Variants in CLIC6 observed in about 807,000 individuals in gnomAD.
The protein encoded by CLIC6 is chloride intracellular channel protein 6.
A neutral mutation model predicts 49.2 loss-of-function variants in CLIC6; 39 were observed. The ratio of observed to expected loss-of-function variants is 0.79; its 90% CI spans 0.61 to 1.04. The LOEUF (loss-of-function observed/expected upper bound fraction) is 1.04, where lower values mean the gene tolerates loss of function less well. CLIC6 is among the 50% of genes least tolerant of loss of function. The pLI, the probability that CLIC6 is intolerant of heterozygous loss-of-function variation, is 0.00. For synonymous variants in CLIC6, 446 were observed against 433.4 expected (o/e 1.03, Z -0.36); for missense variants, 988 against 993.1 (o/e 0.99, Z 0.07).
Position 34,669,565 on chromosome 21 carries a change from G to A in CLIC6, c.177G>A (p.Glu59=). 1 of 1,257,886 alleles carries A rather than the reference G, an allele frequency of 7.9e-7. No individual in the cohort carries two copies. Among genetic ancestry groups the A allele is most frequent in the Non-Finnish European group, 1.0e-6 (1 of 1,004,420 alleles). The allele number at this position is 1,257,886 out of a possible 1,614,324, so 77.9% of individuals were successfully genotyped here. Residue 59 remains glutamate, a synonymous_variant, in exon 1 of 6, where the codon GAG becomes GAA. Transcript: ENST00000349499. ...CGAGGGGCGCCGCCGCTGTGAAGGA[G>A]GCAGGAGGCGGCGGGCCAGACAGGG... is the stretch of plus-strand genomic sequence containing the variant. The part of the protein sequence containing the change: ...EAPRGAAAVK[E]AGGGGPDRGP...
intron 3 of CLIC6, among the ~76,000 whole-genome samples, chr21:34,708,413 T>A (rs2056031774): frequency 6.6e-6 from 1 of 152,042 alleles, no homozygotes; most frequent in Non-Finnish European, 1.5e-5. Flanking sequence ...TTCTACTCCA[T>A]CCCCTTCGTT....
rs772665413 is a variant in CLIC6 at position 34,670,741 on chromosome 21, C to T, written c.1353C>T (p.His451=). The part of the protein sequence containing the change: ...ASEPRALGQE[H]DITLFVKAGY... ...AGCCCCGGGCCCTGGGGCAGGAGCA[C>T]GACATCACCCTCTTCGTCAAGGTAA... is the stretch of plus-strand genomic sequence containing the variant. Residue 451 remains histidine, a synonymous_variant, in exon 1 of 6, where the codon CAC becomes CAT. Coordinates refer to ENST00000349499, the MANE Select transcript of CLIC6 (RefSeq NM_053277.3). The T allele has an allele frequency of 5.6e-6, 9 of 1,600,036 alleles. No individual in the cohort carries two copies. Among genetic ancestry groups the T allele is most frequent in the Non-Finnish European group, 3.4e-6 (4 of 1,177,834 alleles).
intron 5 of CLIC6, among the ~76,000 whole-genome samples, chr21:34,714,337 C>T (rs887021461): frequency 2.6e-5 from 4 of 152,182 alleles, no homozygotes; most frequent in Non-Finnish European, 5.9e-5. Context: ...GAAAGAAGCA[C>T]AGATACATAA....
chr21:34,712,665 G>A (rs1260618559), intron 5 of CLIC6, among the ~76,000 whole-genome samples: 1 of 152,132 alleles, frequency 6.6e-6, no homozygotes, highest in Non-Finnish European at 1.5e-5. Context: ...CTAATCCAGA[G>A]GAACAGTCTG....
rs149242741 is a variant in CLIC6 at position 34,710,737 on chromosome 21, C to T, written c.1899+1199C>T. Among the ~76,000 whole-genome samples the T allele has an allele frequency of 2.5e-3, 379 of 152,152 alleles. 3 individuals are homozygous for T. Among genetic ancestry groups the T allele is most frequent in the African/African-American group, 8.7e-3 (359 of 41,492 alleles). ...CTGAGGCAGGAGAATCGCTTGAACC[C>T]GGGAGGCAGACATTGCAGTGAGCCA... is the stretch of plus-strand genomic sequence containing the variant. On this transcript the variant is annotated intron_variant, in intron 5 of 5. Coordinates refer to ENST00000349499, the MANE Select transcript of CLIC6 (RefSeq NM_053277.3).
chr21:34,670,550 G>C lies in CLIC6; in HGVS notation c.1162G>C (p.Gly388Arg), dbSNP rs1206040908. The change falls in exon 1 of 6, where the codon GGG becomes CGG. Residue 388 changes from glycine (G) to arginine (R), a missense_variant. Coordinates refer to ENST00000349499, the MANE Select transcript of CLIC6 (RefSeq NM_053277.3). ...PEGPREEEAA[G>R]GEEESPDSSP... is the part of the protein sequence containing the mutation. ...GGGGCCAAGGGAGGAGGAAGCAGCG[G>C]GGGGCGAAGAGGAATCCCCCGACAG... 1 of 1,500,144 alleles carries C rather than the reference G, an allele frequency of 6.7e-7. No individual in the cohort carries two copies. The highest frequency in any genetic ancestry group is 2.5e-5 in the East Asian group (1 of 40,208). 92.9% of individuals were successfully genotyped at this position (1,500,144 alleles called of 1,614,324 possible).
chr21:34,691,828 TA>T (rs1380696568), intron 1 of CLIC6, among the ~76,000 whole-genome samples: 1 of 152,254 alleles, frequency 6.6e-6, no homozygotes, highest in Non-Finnish European at 1.5e-5. Flanking sequence ...ACTGATGATG[TA>T]ATTGACTACA....
At chr21:34,715,622 C>A (rs1211367644) in intron 5 of CLIC6, among the ~76,000 whole-genome samples, 1 of 152,204 alleles carries the variant, frequency 6.6e-6, no homozygotes, top group Non-Finnish European at 1.5e-5. Context: ...CTGGTACAGT[C>A]CCCAGTGTTC....
At chr21:34,693,039 G>A (rs1376562877) in intron 1 of CLIC6, among the ~76,000 whole-genome samples, 1 of 152,168 alleles carries the variant, frequency 6.6e-6, no homozygotes, top group East Asian at 1.9e-4. Flanking sequence ...GTAAATTGCT[G>A]TTTTCCTAAC....
At chr21:34,689,232 C>T (rs866618330) in intron 1 of CLIC6, among the ~76,000 whole-genome samples, 16 of 152,190 alleles carry the variant, frequency 1.1e-4, no homozygotes, top group African/African-American at 3.9e-4. Context: ...CTGGGCAATG[C>T]ACCTCCCCTT....
chr21:34,706,265 C>T (rs1160453376), intron 1 of CLIC6, among the ~76,000 whole-genome samples: 2 of 152,120 alleles, frequency 1.3e-5, no homozygotes, highest in Non-Finnish European at 2.9e-5. Flanking sequence ...GGAAGTGCCA[C>T]GTACTTTTCA....
chr21:34,669,985 C>A lies in CLIC6; in HGVS notation c.597C>A (p.Ser199Arg). ...SVDAEGPAGD[S>R]VDAEGPLGDN... is the part of the protein sequence containing the mutation. The stretch of plus-strand genomic sequence containing the variant: ...ACGCGGAAGGTCCGGCGGGGGACAG[C>A]GTAGACGCGGAGGGCCCGCTGGGGG... Residue 199 changes from serine (S) to arginine (R), a missense_variant, in exon 1 of 6, where the codon AGC becomes AGA. Around this residue, in one of 3 missense-constraint regions of CLIC6, gnomAD observed 57 missense variants for 117.6 expected, o/e 0.48. Transcript: ENST00000349499. The A allele has an allele frequency of 7.3e-7, 1 of 1,373,666 alleles. No homozygotes were observed. Among genetic ancestry groups the A allele is most frequent in the Non-Finnish European group, 9.3e-7 (1 of 1,073,160 alleles). 85.1% of individuals were successfully genotyped at this position (1,373,666 alleles called of 1,614,324 possible).
rs375938375 is a variant in CLIC6 at position 34,697,820 on chromosome 21, A to G, written c.1375-9460A>G. Among the ~76,000 whole-genome samples, 8 of 152,332 alleles carry G rather than the reference A, an allele frequency of 5.3e-5. No homozygotes were observed. The East Asian group carries it at 1.3e-3, about 26-fold the overall frequency. On this transcript the variant is annotated intron_variant, in intron 1 of 5. Transcript: ENST00000349499. ...TTTGGGGATAGTTGAGGCCAGGAGA[A>G]CTGCGGGGCCTGCCAAGGCTCTCCT...
chr21:34,714,523 A>C (rs2056075126), intron 5 of CLIC6, among the ~76,000 whole-genome samples: 1 of 152,098 alleles, frequency 6.6e-6, no homozygotes, highest in Non-Finnish European at 1.5e-5. Context: ...CCCCGTCTCT[A>C]CTAAAAAGAC....
At chr21:34,708,677 C>T in intron 3 of CLIC6, 23 bp from the exon 4 acceptor site, 3 of 1,503,052 alleles carry the variant, frequency 2.0e-6, no homozygotes, top group African/African-American at 1.4e-5. Context: ...TGTCTGTGAT[C>T]CTCCAATTTT....
In CLIC6 at chr21:34,675,244, C is replaced by T. The variant is rs201566721; in HGVS notation, c.1374+4482C>T. ...GCACTGTCACCCAGAAATGAGCCCC[C>T]GCCCCTCCAAAAAAAAAAAAAAAAA... On this transcript the variant is annotated intron_variant, in intron 1 of 5. Coordinates refer to ENST00000349499, the MANE Select transcript of CLIC6 (RefSeq NM_053277.3). 1.1e-3 allele frequency among the ~76,000 whole-genome samples: 160 copies of T among 147,730 alleles called. 2 individuals carry two copies. The East Asian group carries it at 0.028, about 26-fold the overall frequency.
rs1347355679 is a variant in CLIC6, at chr21:34,695,871, T to TTAAAGC, written c.1375-11408_1375-11403dup. On this transcript the variant is annotated intron_variant, in intron 1 of 5. Coordinates refer to ENST00000349499, the MANE Select transcript of CLIC6 (RefSeq NM_053277.3). Reference sequence around the variant, plus strand: ...CTACTTGGGGCCATGATGGCCTGGATTAAAGCAGATTCGATGAGATTTTCC... The same window carrying TTAAAGC: ...CTACTTGGGGCCATGATGGCCTGGATTAAAGCTAAAGCAGATTCGATGAGATTTTCC... Among the ~76,000 whole-genome samples the TTAAAGC allele has an allele frequency of 3.9e-5, 6 of 152,328 alleles. 1 individual carries two copies. In the East Asian group the frequency reaches 1.2e-3, roughly 29 times the overall value.
At chr21:34,686,376 G>A (rs895423369) in intron 1 of CLIC6, among the ~76,000 whole-genome samples, 29 of 152,186 alleles carry the variant, frequency 1.9e-4, no homozygotes, top group Admixed American at 1.4e-3. Context: ...GCTCCAGCCT[G>A]GGTGACAGAG....
intron 1 of CLIC6, among the ~76,000 whole-genome samples, chr21:34,704,804 A>G (rs2056003319): frequency 6.6e-6 from 1 of 152,216 alleles, no homozygotes; most frequent in Admixed American, 6.5e-5. Flanking sequence ...AAGAAAAACA[A>G]TTTCAAGGGA....
Sources: gnomAD v4.1 joint callset for allele counts (sites outside exome capture counted in the v4.1 genomes callset) on GRCh38, gnomAD v4.1.1 for gene constraint, gnomAD v4.1.1 regional missense constraint, MANE v1.5 for transcripts, NCBI Gene and HGNC (gene_info 2026-07-23, HGNC 2026-07-21) for gene names.